Variants in FGF13 observed in about 807,000 individuals in gnomAD.
FGF13 encodes fibroblast growth factor homologous factor 2.
A neutral mutation model predicts 19.5 loss-of-function variants in FGF13; 2 were observed. That is an observed-to-expected ratio of 0.10 (90% CI 0.04 to 0.32). The LOEUF (loss-of-function observed/expected upper bound fraction) is 0.32. Ranked by LOEUF, FGF13 falls within the 10% of genes least tolerant of loss-of-function variation. The pLI, the probability that FGF13 is intolerant of heterozygous loss-of-function variation, is 1.00. For missense variants in FGF13, 113 were observed against 192.7 expected (o/e 0.59, Z 2.45); for synonymous variants, 72 against 76.9 (o/e 0.94, Z 0.33).
chrX:138,874,861 C>T (rs2124170573), intron 1 of FGF13, among the ~76,000 whole-genome samples: 1 of 111,731 alleles, frequency 9.0e-6, no homozygotes, highest in South Asian at 3.8e-4. Context: ...ACAGAGGAGG[C>T]AATAGGCATG....
chrX:138,635,212 T>C (rs1445584369), intron 4 of FGF13, among the ~76,000 whole-genome samples: 1 of 111,158 alleles, frequency 9.0e-6, no homozygotes, highest in Non-Finnish European at 1.9e-5. Context: ...AGCATAAGCA[T>C]GATATAATGG....
intron 3 of FGF13, among the ~76,000 whole-genome samples, chrX:138,659,797 C>T (rs941398571): frequency 9.0e-6 from 1 of 111,580 alleles, no homozygotes; most frequent in Non-Finnish European, 1.9e-5. Flanking sequence ...TCGCAGCAAA[C>T]TAACACAGGA....
Position 138,656,474 on chromosome X carries a change from G to A in FGF13, c.403-20819C>T, listed in dbSNP as rs911387973. ...GGAAATTTTCTAAGGCTTTCTCCAG[G>A]CTGCAGTGGCTCCTCAAAGCTGATA... On this transcript the variant is annotated intron_variant, in intron 3 of 4. Transcript: ENST00000315930. Among the ~76,000 whole-genome samples the A allele has an allele frequency of 4.5e-5, 5 of 111,190 alleles. No homozygotes were observed. In the East Asian group the frequency reaches 1.4e-3, roughly 32 times the overall value.
chrX:138,848,437 TTAGA>T (rs1569410553), intron 3 of FGF13, among the ~76,000 whole-genome samples: 1 of 111,158 alleles, frequency 9.0e-6, no homozygotes, highest in South Asian at 3.8e-4. Flanking sequence ...TTAGAATCAC[TTAGA>T]TAGATTTTAA....
At chrX:139,149,814 T>A (rs1014682414) in intron 1 of FGF13, among the ~76,000 whole-genome samples, 1 of 111,842 alleles carries the variant, frequency 8.9e-6, no homozygotes, top group Non-Finnish European at 1.9e-5. Flanking sequence ...CATAAACTCT[T>A]CTGAGAAAAT....
intron 1 of FGF13, among the ~76,000 whole-genome samples, chrX:138,886,966 TC>T (rs2091454361): frequency 9.0e-6 from 1 of 111,584 alleles, no homozygotes; most frequent in African/African-American, 3.3e-5. Context: ...TTGGCCTTTA[TC>T]CCAGACTGCT....
chrX:138,809,205 T>C (rs1374073475), intron 3 of FGF13, among the ~76,000 whole-genome samples: 1 of 111,910 alleles, frequency 8.9e-6, no homozygotes, highest in African/African-American at 3.2e-5. Context: ...AATAAAATAC[T>C]GGCAAACCGA....
chrX:138,851,863 A>G (rs1569411300), intron 3 of FGF13, among the ~76,000 whole-genome samples: 1 of 112,199 alleles, frequency 8.9e-6, no homozygotes, highest in East Asian at 2.8e-4. Flanking sequence ...AAGCAACTTC[A>G]GCAAAGTCTC....
intron 1 of FGF13, among the ~76,000 whole-genome samples, chrX:138,730,490 GAAT>G (rs2090221300): frequency 9.0e-6 from 1 of 111,552 alleles, no homozygotes. Flanking sequence ...AAAATTGGAA[GAAT>G]AATGTTGTAA....
downstream of FGF13, among the ~76,000 whole-genome samples, chrX:138,857,051 T>C (rs2091261849): frequency 8.9e-6 from 1 of 112,004 alleles, no homozygotes; most frequent in Non-Finnish European, 1.9e-5. Context: ...GCAAACTAAG[T>C]AGATCATGAG....
At chrX:138,771,194 A>C (rs1427026483) in intron 3 of FGF13, among the ~76,000 whole-genome samples, 1 of 111,847 alleles carries the variant, frequency 8.9e-6, no homozygotes, top group African/African-American at 3.3e-5. Context: ...ATTATTATGT[A>C]AGTTGGTTGT....
At chrX:138,958,180 A>C (rs1217670855) in intron 1 of FGF13, among the ~76,000 whole-genome samples, 2 of 111,667 alleles carry the variant, frequency 1.8e-5, no homozygotes, top group Non-Finnish European at 3.8e-5. Context: ...AATAGCTCTT[A>C]TTATTTTGAG....
intron 3 of FGF13, among the ~76,000 whole-genome samples, chrX:138,850,827 CCA>C (rs1311326858): frequency 1.9e-4 from 21 of 111,904 alleles, no homozygotes; most frequent in African/African-American, 6.2e-4. Context: ...ACCTATCAAA[CCA>C]TCACCGAAAT....
intron 4 of FGF13, among the ~76,000 whole-genome samples, chrX:138,635,002 T>A (rs1010548195): frequency 2.7e-5 from 3 of 111,835 alleles, no homozygotes; most frequent in Non-Finnish European, 5.6e-5. Flanking sequence ...TAAGTGCCCA[T>A]CAATCAACGA....
chrX:139,081,166 C>T (rs2083368097), intron 1 of FGF13, among the ~76,000 whole-genome samples: 1 of 110,884 alleles, frequency 9.0e-6, no homozygotes, highest in Non-Finnish European at 1.9e-5. Context: ...CACTACACTA[C>T]TAAAAATACT....
chrX:138,704,999 T>C (rs1440882109), intron 2 of FGF13, among the ~76,000 whole-genome samples: 2 of 112,112 alleles, frequency 1.8e-5, no homozygotes, highest in African/African-American at 3.2e-5. Context: ...TATGATACTA[T>C]GTTTTTGAAA....
At chrX:139,025,120 G>A (rs139430762) in intron 1 of FGF13, among the ~76,000 whole-genome samples, 1 of 111,024 alleles carries the variant, frequency 9.0e-6, no homozygotes, top group South Asian at 3.8e-4. Flanking sequence ...AGTCCCCTCA[G>A]TGTCTTTTCA....
chrX:138,945,445 T>C (rs1666422251), intron 1 of FGF13, among the ~76,000 whole-genome samples: 1 of 111,421 alleles, frequency 9.0e-6, no homozygotes, highest in South Asian at 3.8e-4. Context: ...ACTCGACAGA[T>C]GAAACAGATA....
Position 138,616,015 on chromosome X carries a change from G to T in FGF13, c.*16835C>A, listed in dbSNP as rs756592532. On this transcript the variant is annotated 3_prime_UTR_variant, in exon 5 of 5. Transcript: ENST00000315930. The stretch of plus-strand genomic sequence containing the variant: ...ACACATGGGGATTATTACAATTCAA[G>T]GAGAGATTTGGGTGGGAACACAAAA... The T allele has an allele frequency of 9.0e-6, 1 of 111,649 alleles. No homozygotes were observed. The highest frequency in any genetic ancestry group is 1.9e-5 in the Non-Finnish European group (1 of 53,136). The allele number at this position is 111,649 out of a possible 1,213,427, so 9.2% of individuals were successfully genotyped here. A position where few individuals can be genotyped will look rare whatever the true frequency, so the allele number is the denominator to read the frequency against.
Sources: allele counts gnomAD v4.1 joint callset (sites outside exome capture counted in the v4.1 genomes callset), GRCh38; gene constraint gnomAD v4.1.1; transcripts MANE v1.5; gene names NCBI Gene and HGNC (gene_info 2026-07-23, HGNC 2026-07-21).